Variants in WNT11 observed in about 807,000 individuals in gnomAD.
WNT11 encodes protein Wnt-11.
In WNT11, 20 loss-of-function variants were observed where a neutral mutation model predicts 35.6. The observed-to-expected ratio is 0.56, with a 90% CI of 0.40 to 0.82. The LOEUF (loss-of-function observed/expected upper bound fraction) is 0.82. Among genes scored for constraint, WNT11 ranks in the 40% least tolerant of loss-of-function variants. The pLI is 0.00. For synonymous variants in WNT11, 200 were observed against 211.9 expected, an observed-to-expected ratio of 0.94 and a Z score of 0.49; for missense variants, 459 against 504.4, an observed-to-expected ratio of 0.91 and a Z score of 0.86.
Position 76,194,893 on chromosome 11 carries a change from C to T in WNT11, c.320-49G>A, listed in dbSNP as rs751045153. On this transcript the variant is annotated intron_variant, in intron 2 of 4. Transcript: ENST00000322563. This position sits in a 1 kb window ranked among gnomAD's most constrained non-coding sequence, Gnocchi z 5.4. ...GCCGACGCTGATCCAGGGCTAGGAC[C>T]CTGCCCAGGTCAGAGGTCCTCCACC... The T allele has an allele frequency of 6.9e-7, 1 of 1,448,386 alleles. No individual in the cohort carries two copies. Among genetic ancestry groups the T allele is most frequent in the African/African-American group, 1.4e-5 (1 of 70,282 alleles). The allele number at this position is 1,448,386 out of a possible 1,614,324, so 89.7% of individuals were successfully genotyped here.
At position 76,191,634 on chromosome 11, in the gene WNT11, C is replaced by A. The variant is rs780236055; in HGVS notation, c.820G>T (p.Val274Phe). 1.2e-6 allele frequency: 2 copies of A among 1,614,040 alleles called. No individual in the cohort carries two copies. Among genetic ancestry groups the A allele is most frequent in the Non-Finnish European group, 1.7e-6 (2 of 1,180,036 alleles). ...DIRPVKDSEL[V>F]YLQSSPDFCM... is the part of the protein sequence containing the mutation. ...AAGTCAGGTGAGCTCTGCAGATAGA[C>A]GAGTTCCGAGTCCTTCACAGGCCGG... The change falls in exon 4 of 5, where the codon GTC (valine) becomes TTC (phenylalanine). Residue 274 changes from valine to phenylalanine, a missense_variant. Transcript: ENST00000322563.
upstream of WNT11, chr11:76,210,468 T>C (rs1953551962): frequency 3.0e-6 from 3 of 985,110 alleles, no homozygotes; most frequent in African/African-American, 3.5e-5. Context: ...CGACCACTGC[T>C]CACCTCCCGG....
chr11:76,191,557 G>C lies in WNT11; in HGVS notation c.890+7C>G, dbSNP rs747904520. On this transcript the variant is annotated splice_region_variant and intron_variant, in intron 4 of 4. Coordinates refer to ENST00000322563, the MANE Select transcript of WNT11 (RefSeq NM_004626.3). ...CCCTTTCCCACCAAGGTGGCAGCAGGCCTCACCTGTCTTGTGTCCCGTGGG... is the reference window on the plus strand; with the variant it reads ...CCCTTTCCCACCAAGGTGGCAGCAGCCCTCACCTGTCTTGTGTCCCGTGGG... 2.5e-6 allele frequency: 4 copies of C among 1,605,796 alleles called. No homozygotes were observed. The highest frequency in any genetic ancestry group is 4.5e-5 in the East Asian group (2 of 44,656).
At chr11:76,208,999 C>T (rs968326821), upstream of WNT11, among the ~76,000 whole-genome samples, 34 of 152,210 alleles carry the variant, frequency 2.2e-4, no homozygotes, top group Admixed American at 1.3e-4. Context: ...GGGGGAATCG[C>T]GGCTGCCTCC....
chr11:76,199,382 G>A (rs1326393651), intron 1 of WNT11, among the ~76,000 whole-genome samples: 3 of 151,810 alleles, frequency 2.0e-5, no homozygotes, highest in African/African-American at 7.3e-5. Flanking sequence ...CTACTTGAGA[G>A]GATCACTTGA....
chr11:76,206,248 C>G, intron 1 of WNT11, 77 bp downstream of exon 1: 3 of 1,282,298 alleles, frequency 2.3e-6, no homozygotes, highest in Non-Finnish European at 2.0e-6. Flanking sequence ...TGCGCTCGCC[C>G]CATCCAGGGG....
upstream of WNT11, chr11:76,206,605 G>A (rs1201791267): frequency 8.7e-7 from 1 of 1,150,664 alleles, no homozygotes; most frequent in Non-Finnish European, 1.1e-6. Context: ...GGCCGAGCGC[G>A]GCGGGCGTCC....
At position 76,194,465 on chromosome 11, in the gene WNT11, C is replaced by G; in HGVS notation, c.597+102G>C. 7.2e-7 allele frequency: 1 copy of G among 1,389,604 alleles called. No individual in the cohort carries two copies. The highest frequency in any genetic ancestry group is 9.7e-7 in the Non-Finnish European group (1 of 1,034,658). 86.1% of individuals were successfully genotyped at this position (1,389,604 alleles called of 1,614,324 possible). A position where few individuals can be genotyped will look rare whatever the true frequency, so the allele number is the denominator to read the frequency against. On this transcript the variant is annotated intron_variant, in intron 3 of 4. Coordinates refer to ENST00000322563, the MANE Select transcript of WNT11 (RefSeq NM_004626.3). The surrounding 1 kb of genome is among the most constrained non-coding windows in gnomAD (Gnocchi z 5.4). The stretch of plus-strand genomic sequence containing the variant: ...CACATCAGGTGTGGGCCAGTCAGGG[C>G]CCGTCCCCCCGCACCCCCCACCACT...
chr11:76,206,251 T>A, intron 1 of WNT11, 74 bp downstream of exon 1: 1 of 1,313,326 alleles, frequency 7.6e-7, no homozygotes, highest in African/African-American at 1.5e-5. Context: ...GCTCGCCCCA[T>A]CCAGGGGACC....
intron 2 of WNT11, among the ~76,000 whole-genome samples, chr11:76,196,121 T>C (rs958557130): frequency 2.6e-5 from 4 of 152,226 alleles, no homozygotes; most frequent in African/African-American, 9.6e-5. Context: ...TTATTGTTTC[T>C]AGACTCCCCT....
chr11:76,194,442 C>T lies in WNT11; in HGVS notation c.597+125G>A. The T allele has an allele frequency of 1.7e-6, 2 of 1,155,370 alleles. No individual in the cohort carries two copies. Among genetic ancestry groups the T allele is most frequent in the Middle Eastern group, 3.0e-4 (1 of 3,346 alleles). The allele number at this position is 1,155,370 out of a possible 1,614,324, so 71.6% of individuals were successfully genotyped here. On this transcript the variant is annotated intron_variant, in intron 3 of 4. Coordinates refer to ENST00000322563, the MANE Select transcript of WNT11 (RefSeq NM_004626.3). The surrounding 1 kb of genome is among the most constrained non-coding windows in gnomAD (Gnocchi z 5.4). ...CTGAGGATGAGGATGGTGCGAGGCA[C>T]ATCAGGTGTGGGCCAGTCAGGGCCC... is the stretch of plus-strand genomic sequence containing the variant.
chr11:76,196,348 A>G, intron 2 of WNT11, 135 bp downstream of exon 2: 1 of 1,008,470 alleles, frequency 9.9e-7, no homozygotes, highest in South Asian at 1.5e-5. Flanking sequence ...CCATGCCTGT[A>G]TCCACCCGTC....
chr11:76,202,898 GA>G (rs1953405172), intron 1 of WNT11, among the ~76,000 whole-genome samples: 1 of 152,224 alleles, frequency 6.6e-6, no homozygotes, highest in South Asian at 2.1e-4. Flanking sequence ...GTCCTGCCTG[GA>G]AATGACACTG....
chr11:76,199,966 G>A (rs936160042), intron 1 of WNT11, among the ~76,000 whole-genome samples: 5 of 152,158 alleles, frequency 3.3e-5, no homozygotes, highest in Non-Finnish European at 2.9e-5. Context: ...CAACTACAAC[G>A]TGAGGACCTC....
upstream of WNT11, among the ~76,000 whole-genome samples, chr11:76,209,513 C>T (rs1269498906): frequency 6.6e-6 from 1 of 152,176 alleles, no homozygotes; most frequent in Non-Finnish European, 1.5e-5. Context: ...AAGCCTCCCG[C>T]CACGCAGCTC....
intron 1 of WNT11, among the ~76,000 whole-genome samples, chr11:76,205,556 G>A (rs1953458165): frequency 6.6e-6 from 1 of 152,148 alleles, no homozygotes; most frequent in Non-Finnish European, 1.5e-5. Context: ...TTCTCCTCGG[G>A]CACTTGGACA....
intron 1 of WNT11, among the ~76,000 whole-genome samples, chr11:76,199,701 G>T (rs1306392119): frequency 1.3e-5 from 2 of 152,166 alleles, no homozygotes; most frequent in African/African-American, 2.4e-5. Context: ...TACTTGAGAG[G>T]CTGAGGCAGG....
At chr11:76,196,060 T>A (rs1953280112) in intron 2 of WNT11, among the ~76,000 whole-genome samples, 1 of 152,216 alleles carries the variant, frequency 6.6e-6, no homozygotes, top group Admixed American at 6.5e-5. Context: ...GCAGTCTGGT[T>A]CAGTGTTACC....
chr11:76,204,437 C>T (rs1029726100), intron 1 of WNT11, among the ~76,000 whole-genome samples: 3 of 152,178 alleles, frequency 2.0e-5, no homozygotes, highest in African/African-American at 4.8e-5. Flanking sequence ...GGCTTCTGCT[C>T]GTGCTGTGCC....
Sources: gnomAD v4.1 joint callset for allele counts (sites outside exome capture counted in the v4.1 genomes callset) on GRCh38, gnomAD v4.1.1 for gene constraint, Gnocchi (gnomAD v3.1) non-coding constraint, MANE v1.5 for transcripts, NCBI Gene and HGNC (gene_info 2026-07-23, HGNC 2026-07-21) for gene names.